DSCAML1: variants seen among roughly 807,000 people sequenced by gnomAD.
DSCAML1 encodes DS cell adhesion molecule like 1.
In DSCAML1, 38 loss-of-function variants were observed where a neutral mutation model predicts 200.5. The ratio of observed to expected loss-of-function variants is 0.19; its 90% confidence interval spans 0.15 to 0.25. The LOEUF (loss-of-function observed/expected upper bound fraction) is 0.25. DSCAML1 is among the 10% of genes least tolerant of loss of function. The pLI, the probability that DSCAML1 is intolerant of heterozygous loss-of-function variation, is 1.00. For missense variants in DSCAML1, 2,223 were observed against 2,858.8 expected (o/e 0.78, Z 5.07); for synonymous variants, 1,215 against 1,165.0 (o/e 1.04, Z -0.87).
intron 3 of DSCAML1, among the ~76,000 whole-genome samples, chr11:117,722,877 T>C (rs1201653490): frequency 1.3e-5 from 2 of 152,176 alleles, no homozygotes; most frequent in African/African-American, 2.4e-5. Flanking sequence ...TCCCACATAT[T>C]CCTATTCAGT....
chr11:117,461,033 C>T lies in DSCAML1; in HGVS notation c.3412+417G>A, dbSNP rs1327434825. Among the ~76,000 whole-genome samples, 4 of 151,128 alleles carry T rather than the reference C, an allele frequency of 2.6e-5. No homozygotes were observed. The East Asian group carries it at 7.9e-4, about 30-fold the overall frequency. On this transcript the variant is annotated intron_variant, in intron 18 of 32. Coordinates refer to ENST00000651296, the MANE Select transcript of DSCAML1 (RefSeq NM_020693.4). ...AGTGTACCGACTATTCCCCACCGGTCCCTGGCTCACATAGCCATAAAGGCC... is the reference window on the plus strand; with the variant it reads ...AGTGTACCGACTATTCCCCACCGGTTCCTGGCTCACATAGCCATAAAGGCC...
chr11:117,768,042 C>T (rs1014615748), intron 3 of DSCAML1, among the ~76,000 whole-genome samples: 15 of 152,088 alleles, frequency 9.9e-5, no homozygotes, highest in Non-Finnish European at 2.1e-4. Flanking sequence ...GGCAAGGTAA[C>T]GGGGGCTGTT....
intron 3 of DSCAML1, among the ~76,000 whole-genome samples, chr11:117,579,395 C>T (rs553193301): frequency 6.6e-6 from 1 of 152,234 alleles, no homozygotes; most frequent in Non-Finnish European, 1.5e-5. Context: ...CTCCAGCTCT[C>T]TGCCCACTCC....
intron 3 of DSCAML1, among the ~76,000 whole-genome samples, chr11:117,664,646 C>A (rs75661998): frequency 6.6e-6 from 1 of 152,348 alleles, no homozygotes; most frequent in East Asian, 1.9e-4. Context: ...AATGGACACT[C>A]CACAAAGGGA....
In DSCAML1 at chr11:117,480,601, TGAG is replaced by T; in HGVS notation, c.2657-33_2657-31del. ...GGTGCGGCAGTGGAGGGGAGGGAAG[TGAG>T]GAGGGCAGCAGGGAGCTTGGCCTCC... On this transcript the variant is annotated intron_variant, in intron 13 of 32. Coordinates refer to ENST00000651296, the MANE Select transcript of DSCAML1 (RefSeq NM_020693.4). This position sits in a 1 kb window ranked among gnomAD's most constrained non-coding sequence, Gnocchi z 4.1. The T allele has an allele frequency of 6.5e-7, 1 of 1,550,194 alleles. No homozygotes were observed. Among genetic ancestry groups the T allele is most frequent in the Non-Finnish European group, 8.7e-7 (1 of 1,146,720 alleles).
At chr11:117,782,634 C>T (rs1299070122) in intron 1 of DSCAML1, among the ~76,000 whole-genome samples, 1 of 152,196 alleles carries the variant, frequency 6.6e-6, no homozygotes. Context: ...AGGCAGCAAA[C>T]CGAGGCTCGG....
At chr11:117,652,266 C>T (rs558615355) in intron 3 of DSCAML1, among the ~76,000 whole-genome samples, 7 of 152,358 alleles carry the variant, frequency 4.6e-5, no homozygotes, top group Admixed American at 4.6e-4. Flanking sequence ...CTCTAGTCCC[C>T]AGCTCTTAGT....
chr11:117,511,949 A>G (rs567065645), intron 8 of DSCAML1, among the ~76,000 whole-genome samples: 2 of 152,358 alleles, frequency 1.3e-5, no homozygotes, highest in Admixed American at 6.5e-5. Context: ...ATGTGCAGGC[A>G]TGTTGGGCGT....
chr11:117,618,191 G>C (rs187875556), intron 3 of DSCAML1, among the ~76,000 whole-genome samples: 1 of 152,188 alleles, frequency 6.6e-6, no homozygotes, highest in Admixed American at 6.5e-5. Context: ...GGGTTGGAAA[G>C]GGCCTAACCT....
At chr11:117,576,967 CT>C (rs1403585859) in intron 3 of DSCAML1, among the ~76,000 whole-genome samples, 1 of 152,206 alleles carries the variant, frequency 6.6e-6, no homozygotes, top group Non-Finnish European at 1.5e-5. Context: ...CTTGGGCTTA[CT>C]TTGAAATTTG....
At chr11:117,700,820 C>A (rs1348518588) in intron 3 of DSCAML1, among the ~76,000 whole-genome samples, 1 of 152,192 alleles carries the variant, frequency 6.6e-6, no homozygotes, top group Admixed American at 6.5e-5. Flanking sequence ...CAGAGCAGGA[C>A]CTTCTATAAT....
intron 3 of DSCAML1, among the ~76,000 whole-genome samples, chr11:117,714,069 T>G (rs1219221343): frequency 6.6e-6 from 1 of 152,230 alleles, no homozygotes; most frequent in Non-Finnish European, 1.5e-5. Context: ...TTTCTGCATC[T>G]GTGCAATGGG....
Position 117,780,724 on chromosome 11 carries a change from C to T in DSCAML1, c.133G>A (p.Val45Met). ...GGGGAGCCCGCGGCCGGGCAGGGCACCACCACCCCCACGGAGCTGGAAAAG... is the reference window on the plus strand; with the variant it reads ...GGGGAGCCCGCGGCCGGGCAGGGCATCACCACCCCCACGGAGCTGGAAAAG... ...VTFSSSVGVV[V>M]PCPAAGSPSA... Residue 45 changes from valine (V) to methionine (M), a missense_variant, in exon 2 of 33, where the codon GTG becomes ATG. Transcript: ENST00000651296. This position sits in a 1 kb window ranked among gnomAD's most constrained non-coding sequence, Gnocchi z 4.8. 1 of 1,570,762 alleles carries T rather than the reference C, an allele frequency of 6.4e-7. No homozygotes were observed. The highest frequency in any genetic ancestry group is 8.6e-7 in the Non-Finnish European group (1 of 1,157,876).
intron 4 of DSCAML1, among the ~76,000 whole-genome samples, chr11:117,528,607 C>A (rs1422351690): frequency 3.9e-5 from 6 of 152,172 alleles, no homozygotes; most frequent in Non-Finnish European, 8.8e-5. Context: ...AACAGCATTG[C>A]TGTGGTTAGG....
At position 117,471,921 on chromosome 11, in the gene DSCAML1, C is replaced by G; in HGVS notation, c.2901G>C (p.Lys967Asn). The G allele has an allele frequency of 6.2e-7, 1 of 1,613,912 alleles. No individual in the cohort carries two copies. The highest frequency in any genetic ancestry group is 8.5e-7 in the Non-Finnish European group (1 of 1,179,940). Reference protein sequence around the residue: ...VYSIRMYSFNKIGRSEPSKEL... With the variant: ...VYSIRMYSFNNIGRSEPSKEL... ...CCTTGCTTGGTTCACTGCGGCCAAT[C>G]TTGTTGAAAGAGTACATGCGGATGC... is the stretch of plus-strand genomic sequence containing the variant. Residue 967 changes from lysine (K) to asparagine (N), a missense_variant, in exon 15 of 33, where the codon AAG becomes AAC. Lys to Asn is a moderately conservative substitution (Grantham distance 94). Transcript: ENST00000651296.
At chr11:117,784,420 C>G (rs952147720) in intron 1 of DSCAML1, among the ~76,000 whole-genome samples, 1 of 152,160 alleles carries the variant, frequency 6.6e-6, no homozygotes, top group African/African-American at 2.4e-5. Flanking sequence ...GAGGCACAGA[C>G]CAGCAAATAC....
intron 3 of DSCAML1, among the ~76,000 whole-genome samples, chr11:117,581,484 C>A (rs1370475472): frequency 6.6e-6 from 1 of 152,122 alleles, no homozygotes; most frequent in African/African-American, 2.4e-5. Context: ...TCCTGGCAAC[C>A]ACTGATCTGT....
At chr11:117,709,490 A>C (rs1406207021) in intron 3 of DSCAML1, among the ~76,000 whole-genome samples, 1 of 152,116 alleles carries the variant, frequency 6.6e-6, no homozygotes. Context: ...AGAAGCCCCA[A>C]ATATAGTCAC....
At chr11:117,602,354 G>T (rs937355667) in intron 3 of DSCAML1, among the ~76,000 whole-genome samples, 3 of 152,228 alleles carry the variant, frequency 2.0e-5, no homozygotes, top group Admixed American at 2.0e-4. Flanking sequence ...TGGCAGGCAG[G>T]GGGGTCCCTC....
Sources: gnomAD v4.1 joint callset for allele counts (sites outside exome capture counted in the v4.1 genomes callset) on GRCh38, gnomAD v4.1.1 for gene constraint, Gnocchi (gnomAD v3.1) non-coding constraint, MANE v1.5 for transcripts, NCBI Gene and HGNC (gene_info 2026-07-23, HGNC 2026-07-21) for gene names.